ADGRE3: variants seen among roughly 807,000 people sequenced by gnomAD.
The protein encoded by ADGRE3 is EGF-like module receptor 3.
Under a neutral mutation model 80.1 loss-of-function variants are expected in ADGRE3, and 88 were observed. The ratio of observed to expected loss-of-function variants is 1.10; its 90% CI spans 0.93 to 1.31. The LOEUF (loss-of-function observed/expected upper bound fraction) is 1.31. ADGRE3 is among the 40% of genes most tolerant of loss of function. The pLI, the probability that ADGRE3 is intolerant of heterozygous loss-of-function variation, is 0.00. For missense variants in ADGRE3, 715 were observed against 776.5 expected (o/e 0.92, Z 0.94); for synonymous variants, 281 against 294.8 (o/e 0.95, Z 0.48).
intron 7 of ADGRE3, among the ~76,000 whole-genome samples, chr19:14,650,302 A>G (rs1272199427): frequency 2.6e-5 from 3 of 117,470 alleles, no homozygotes; most frequent in Non-Finnish European, 5.2e-5. Context: ...CACTCTCCCC[A>G]TCTCTCTTTT....
intron 2 of ADGRE3, among the ~76,000 whole-genome samples, chr19:14,666,942 C>G (rs768743896): frequency 6.6e-6 from 1 of 152,124 alleles, no homozygotes. Flanking sequence ...TTCATGTCCA[C>G]CCAGAACCTC....
chr19:14,618,246 TG>T (rs1196702283), downstream of ADGRE3, among the ~76,000 whole-genome samples: 1 of 152,146 alleles, frequency 6.6e-6, no homozygotes, highest in East Asian at 1.9e-4. Context: ...TTCTTTTTTT[TG>T]TGGTGAGAAC....
At chr19:14,633,328 A>G in intron 11 of ADGRE3, 26 bp from the exon 12 acceptor site, 2 of 1,573,866 alleles carry the variant, frequency 1.3e-6, no homozygotes, top group South Asian at 2.2e-5. Context: ...AAAGAGATAC[A>G]AAGAGAGATC....
chr19:14,634,010 CAA>C (rs1316888917), intron 11 of ADGRE3, among the ~76,000 whole-genome samples: 7 of 152,158 alleles, frequency 4.6e-5, no homozygotes, highest in Non-Finnish European at 8.8e-5. Flanking sequence ...CTCCAGACCT[CAA>C]GTGATTTGCT....
chr19:14,651,252 T>A, intron 6 of ADGRE3, 48 bp from the exon 7 acceptor site: 1 of 1,607,774 alleles, frequency 6.2e-7, no homozygotes, highest in Non-Finnish European at 8.5e-7. Flanking sequence ...TAAGAAACTT[T>A]AAAAATATGC....
the ADGRE3 span, among the ~76,000 whole-genome samples, chr19:14,602,738 A>G: frequency 6.8e-6 from 1 of 147,598 alleles, no homozygotes; most frequent in African/African-American, 2.5e-5. Context: ...GAGTAGTTAA[A>G]CAGTTTTTTT....
chr19:14,668,057 C>T (rs933383754), intron 2 of ADGRE3, among the ~76,000 whole-genome samples: 1 of 152,048 alleles, frequency 6.6e-6, no homozygotes, highest in Non-Finnish European at 1.5e-5. Context: ...AGTTGGAGAC[C>T]AGCCTGGGTG....
At chr19:14,648,687 T>C (rs569349056) in intron 7 of ADGRE3, among the ~76,000 whole-genome samples, 4 of 152,156 alleles carry the variant, frequency 2.6e-5, no homozygotes, top group Non-Finnish European at 5.9e-5. Context: ...ACAGATTGCC[T>C]GCTATAATGT....
chr19:14,648,322 A>C (rs1460510783), intron 7 of ADGRE3, among the ~76,000 whole-genome samples: 2 of 152,046 alleles, frequency 1.3e-5, no homozygotes, highest in African/African-American at 4.8e-5. Context: ...ATGGGCGTGA[A>C]TTTGTGTTTG....
At chr19:14,671,558 C>T (rs149513726) in intron 1 of ADGRE3, among the ~76,000 whole-genome samples, 1 of 152,150 alleles carries the variant, frequency 6.6e-6, no homozygotes, top group East Asian at 1.9e-4. Context: ...TTTCTTTTAC[C>T]ATGTAAGGTA....
In ADGRE3 at chr19:14,619,263, C is replaced by A; in HGVS notation, c.*170G>T. On this transcript the variant is annotated 3_prime_UTR_variant, in exon 16 of 16. Transcript: ENST00000253673. ...GTGAAGAGAAATGCAATTTACCACA[C>A]ATTTGTTGAGAGCCTATTGTGGAGA... is the stretch of plus-strand genomic sequence containing the variant. The A allele has an allele frequency of 3.1e-6, 2 of 642,322 alleles. No homozygotes were observed. Among genetic ancestry groups the A allele is most frequent in the South Asian group, 3.5e-5 (2 of 56,992 alleles). 39.8% of individuals were successfully genotyped at this position (642,322 alleles called of 1,614,324 possible).
At chr19:14,619,806 A>G (rs189208363) in intron 15 of ADGRE3, among the ~76,000 whole-genome samples, 2 of 152,284 alleles carry the variant, frequency 1.3e-5, no homozygotes, top group Admixed American at 1.3e-4. Flanking sequence ...AATGCCTGTT[A>G]TCTAACATAG....
downstream of ADGRE3, among the ~76,000 whole-genome samples, chr19:14,615,045 C>T (rs543422058): frequency 1.6e-4 from 25 of 151,978 alleles, no homozygotes; most frequent in Admixed American, 1.6e-3. Flanking sequence ...GCCACTACAC[C>T]TGGCTAACCA....
intron 14 of ADGRE3, among the ~76,000 whole-genome samples, chr19:14,629,816 ATT>A: frequency 6.6e-6 from 1 of 151,550 alleles, no homozygotes; most frequent in South Asian, 2.1e-4. Flanking sequence ...AAAAGGCATG[ATT>A]TTTTTTTGAC....
chr19:14,616,395 A>AT (rs2075075503), downstream of ADGRE3, among the ~76,000 whole-genome samples: 1 of 151,952 alleles, frequency 6.6e-6, no homozygotes, highest in African/African-American at 2.4e-5. Context: ...ATGCTATGGG[A>AT]TGAGTGTCAT....
downstream of ADGRE3, among the ~76,000 whole-genome samples, chr19:14,615,843 T>C (rs2146779868): frequency 6.6e-6 from 1 of 152,092 alleles, no homozygotes; most frequent in Non-Finnish European, 1.5e-5. Flanking sequence ...CACTGCAACA[T>C]TGAACTCCTG....
At chr19:14,610,349 T>C in the ADGRE3 span, 4 of 1,064,634 alleles carry the variant, frequency 3.8e-6, no homozygotes, top group East Asian at 5.2e-5. Flanking sequence ...TTCCCAGGGG[T>C]GCAAGTCAGG....
In ADGRE3 at chr19:14,636,149, T is replaced by TTCTTCCTTCCTTCCTTCCTTC. The variant is rs1555755847; in HGVS notation, c.1484+1955_1484+1956insGAAGGAAGGAAGGAAGGAAGA. ...TTCTTTCTTTCTTTCTTTCTTTCTT[T>TTCTTCCTTCCTTCCTTCCTTC]CTTCCTTTCCTCCTTTCCTTTCCTT... On this transcript the variant is annotated intron_variant, in intron 11 of 15. Transcript: ENST00000253673. Among the ~76,000 whole-genome samples, 14 of 40,544 alleles carry TTCTTCCTTCCTTCCTTCCTTC rather than the reference T, an allele frequency of 3.5e-4. 2 individuals carry two copies. Among genetic ancestry groups the TTCTTCCTTCCTTCCTTCCTTC allele is most frequent in the African/African-American group, 8.7e-4 (12 of 13,724 alleles). 26.6% of individuals were successfully genotyped at this position (40,544 alleles called of 152,430 possible).
intron 1 of ADGRE3, among the ~76,000 whole-genome samples, chr19:14,673,692 G>A (rs1972315118): frequency 6.6e-6 from 1 of 152,216 alleles, no homozygotes; most frequent in Admixed American, 6.5e-5. Context: ...ATTAATACAT[G>A]TAAGGTGCAT....
Sources: allele counts gnomAD v4.1 joint callset (sites outside exome capture counted in the v4.1 genomes callset), GRCh38; gene constraint gnomAD v4.1.1; transcripts MANE v1.5; gene names NCBI Gene and HGNC (gene_info 2026-07-23, HGNC 2026-07-21).